CFAP299: variants seen among roughly 807,000 people sequenced by gnomAD.
CFAP299 encodes cilia and flagella associated protein 299.
In CFAP299, 21 loss-of-function variants were observed where a neutral mutation model predicts 27.0. The ratio of observed to expected loss-of-function variants is 0.78; its 90% CI spans 0.55 to 1.12. The LOEUF (loss-of-function observed/expected upper bound fraction) is 1.12, where lower values mean the gene tolerates loss of function less well. Ranked by LOEUF, CFAP299 falls within the 50% of genes most tolerant of loss-of-function variation. The pLI is 0.00. For synonymous variants in CFAP299, 104 were observed against 98.1 expected (o/e 1.06, Z -0.36); for missense variants, 310 against 276.6 (o/e 1.12, Z -0.86).
intron 3 of CFAP299, among the ~76,000 whole-genome samples, chr4:80,714,047 T>C (rs894494006): frequency 9.9e-5 from 15 of 152,170 alleles, no homozygotes; most frequent in Admixed American, 9.2e-4. Context: ...TCAGCACTTC[T>C]TGCTTCTTCA....
chr4:80,376,234 GAATGA>G (rs1724403329), intron 2 of CFAP299, among the ~76,000 whole-genome samples: 1 of 151,906 alleles, frequency 6.6e-6, no homozygotes, highest in Non-Finnish European at 1.5e-5. Context: ...ATGGTTGCAT[GAATGA>G]GAGTTTGCTT....
chr4:80,733,597 T>C (rs1302784014), intron 3 of CFAP299, among the ~76,000 whole-genome samples: 1 of 152,046 alleles, frequency 6.6e-6, no homozygotes, highest in Non-Finnish European at 1.5e-5. Flanking sequence ...TTCCCTAATT[T>C]ACCCCATTCC....
At chr4:80,546,207 C>T (rs1023792914) in intron 2 of CFAP299, among the ~76,000 whole-genome samples, 4 of 152,100 alleles carry the variant, frequency 2.6e-5, no homozygotes, top group Non-Finnish European at 5.9e-5. Context: ...TGCCTACTCT[C>T]ACCACTCCCA....
chr4:80,397,492 C>A (rs534506398), intron 2 of CFAP299, among the ~76,000 whole-genome samples: 299 of 152,226 alleles, frequency 2.0e-3, no homozygotes, highest in Non-Finnish European at 3.1e-3. Flanking sequence ...AAATTTAGAT[C>A]TTTCCTGCTT....
intron 3 of CFAP299, among the ~76,000 whole-genome samples, chr4:80,730,594 C>T (rs1193170267): frequency 6.6e-6 from 1 of 152,024 alleles, no homozygotes; most frequent in Non-Finnish European, 1.5e-5. Context: ...GGATTCTTCA[C>T]TCCCAGTCAA....
At chr4:80,696,766 A>G (rs968973632) in intron 3 of CFAP299, among the ~76,000 whole-genome samples, 1 of 152,170 alleles carries the variant, frequency 6.6e-6, no homozygotes, top group Non-Finnish European at 1.5e-5. Context: ...AGAACAATGG[A>G]AAGTACGAAG....
chr4:80,956,064 C>A (rs2110240601), intron 5 of CFAP299, among the ~76,000 whole-genome samples: 1 of 152,204 alleles, frequency 6.6e-6, no homozygotes, highest in South Asian at 2.1e-4. Flanking sequence ...ATGAGAATTT[C>A]CCACTTGTGG....
chr4:80,822,943 T>C lies in CFAP299; in HGVS notation c.334-47050T>C, dbSNP rs1233631302. Among the ~76,000 whole-genome samples, 3 of 152,214 alleles carry C rather than the reference T, an allele frequency of 2.0e-5. No individual in the cohort carries two copies. The South Asian group carries it at 6.2e-4, about 31-fold the overall frequency. On this transcript the variant is annotated intron_variant, in intron 3 of 5. Transcript: ENST00000358105. ...TTCTTGTTACCAAAGTGCATCTTTC[T>C]GATGTTTTTTAAAACCACTTACGTG...
chr4:80,870,253 AT>A lies in CFAP299; in HGVS notation c.476+120del, dbSNP rs1396575544. On this transcript the variant is annotated intron_variant, in intron 4 of 5. Transcript: ENST00000358105. ...TAACAGGAATGTGATATAACTGGTT[AT>A]TAATATGAAAATAACTAAATCTTAA... 9.1e-6 allele frequency: 12 copies of A among 1,313,712 alleles called. No individual in the cohort carries two copies. The African/African-American group carries it at 1.7e-4, about 18-fold the overall frequency. 81.4% of individuals were successfully genotyped at this position (1,313,712 alleles called of 1,614,324 possible). A position where few individuals can be genotyped will look rare whatever the true frequency, so the allele number is the denominator to read the frequency against.
At chr4:80,726,865 T>C (rs974693900) in intron 3 of CFAP299, among the ~76,000 whole-genome samples, 1 of 152,132 alleles carries the variant, frequency 6.6e-6, no homozygotes, top group Non-Finnish European at 1.5e-5. Context: ...ATATAATCAG[T>C]TGGATACAGG....
Position 80,870,143 on chromosome 4 carries a change from A to G in CFAP299, c.476+8A>G, listed in dbSNP as rs1381618633. ...AAGGCCTACAGATATAAGGTAAATT[A>G]CATACAATTTTTGCACCCTTAGAGG... On this transcript the variant is annotated splice_region_variant and intron_variant, in intron 4 of 5. Transcript: ENST00000358105. The G allele has an allele frequency of 3.8e-6, 6 of 1,592,120 alleles. No individual in the cohort carries two copies. Among genetic ancestry groups the G allele is most frequent in the Non-Finnish European group, 5.1e-6 (6 of 1,169,834 alleles).
chr4:80,741,891 G>A lies in CFAP299; in HGVS notation c.334-128102G>A, dbSNP rs530038026. On this transcript the variant is annotated intron_variant, in intron 3 of 5. Coordinates refer to ENST00000358105, the MANE Select transcript of CFAP299 (RefSeq NM_152770.3). The stretch of plus-strand genomic sequence containing the variant: ...CCACTGGGATGGATGATTCCTGTCT[G>A]GCTAGGGCTGATCCCAATGCTCCCT... 2.6e-5 allele frequency among the ~76,000 whole-genome samples: 4 copies of A among 152,210 alleles called. No homozygotes were observed. The South Asian group carries it at 8.3e-4, about 32-fold the overall frequency.
chr4:80,612,670 A>G (rs369126720), intron 3 of CFAP299, among the ~76,000 whole-genome samples: 1 of 152,156 alleles, frequency 6.6e-6, no homozygotes, highest in South Asian at 2.1e-4. Flanking sequence ...AATTTAAACT[A>G]TTTCAATAAT....
intron 4 of CFAP299, among the ~76,000 whole-genome samples, chr4:80,930,255 T>C (rs1013049638): frequency 8.5e-5 from 13 of 152,288 alleles, no homozygotes; most frequent in African/African-American, 3.1e-4. Flanking sequence ...AGTAAGGGCT[T>C]GGAAGCCCTT....
In CFAP299 at chr4:80,396,577, G is replaced by A. The variant is rs140430837; in HGVS notation, c.242+33693G>A. On this transcript the variant is annotated intron_variant, in intron 2 of 5. Transcript: ENST00000358105. Reference sequence around the variant, plus strand: ...CTGCTAGTAGATTTATTCTAATCAAGGTGATTATAAGTGAGCTGCCTAGTT... The same window carrying A: ...CTGCTAGTAGATTTATTCTAATCAAAGTGATTATAAGTGAGCTGCCTAGTT... Among the ~76,000 whole-genome samples the A allele has an allele frequency of 2.4e-3, 360 of 152,200 alleles. 2 individuals are homozygous for A. The highest frequency in any genetic ancestry group is 7.9e-3 in the African/African-American group (328 of 41,526).
intron 4 of CFAP299, among the ~76,000 whole-genome samples, chr4:80,918,138 A>T (rs1735854543): frequency 6.6e-6 from 1 of 152,168 alleles, no homozygotes; most frequent in Non-Finnish European, 1.5e-5. Context: ...TATTCACCTT[A>T]AATGTCAGTA....
intron 4 of CFAP299, among the ~76,000 whole-genome samples, chr4:80,944,065 A>G (rs1578257576): frequency 1.4e-5 from 1 of 69,188 alleles, no homozygotes; most frequent in East Asian, 3.8e-4. Context: ...ACTCCATCTC[A>G]ATAAATAAAT....
chr4:80,840,157 T>C (rs890702162), intron 3 of CFAP299, among the ~76,000 whole-genome samples: 9 of 152,184 alleles, frequency 5.9e-5, no homozygotes, highest in Admixed American at 2.0e-4. Flanking sequence ...TTTTACACTT[T>C]AGATTTGAGT....
At chr4:80,390,659 A>G (rs140654274) in intron 2 of CFAP299, among the ~76,000 whole-genome samples, 115 of 136,110 alleles carry the variant, frequency 8.4e-4, no homozygotes, top group East Asian at 5.2e-3. Flanking sequence ...GTACACACAT[A>G]TGTATATATG....
Sources: allele counts gnomAD v4.1 joint callset (sites outside exome capture counted in the v4.1 genomes callset), GRCh38; gene constraint gnomAD v4.1.1; transcripts MANE v1.5; gene names NCBI Gene and HGNC (gene_info 2026-07-23, HGNC 2026-07-21).